ADK: variants seen among roughly 807,000 people sequenced by gnomAD.
The protein encoded by ADK is adenosine kinase.
A neutral mutation model predicts 44.7 loss-of-function variants in ADK; 24 were observed. The ratio of observed to expected loss-of-function variants is 0.54; its 90% CI spans 0.39 to 0.76. ADK has a LOEUF of 0.76. ADK is among the 30% of genes least tolerant of loss of function. The pLI is 0.00. For synonymous variants in ADK, 128 were observed against 142.6 expected, an observed-to-expected ratio of 0.90 and a Z score of 0.73; for missense variants, 321 against 425.1, an observed-to-expected ratio of 0.76 and a Z score of 2.15.
chr10:74,184,405 C>G (rs1842672537), intron 1 of ADK, among the ~76,000 whole-genome samples: 1 of 152,080 alleles, frequency 6.6e-6, no homozygotes, highest in South Asian at 2.1e-4. Flanking sequence ...TCATGGCTCA[C>G]TGTAACCTTG....
intron 1 of ADK, among the ~76,000 whole-genome samples, chr10:74,193,197 C>T (rs760724668): frequency 5.3e-5 from 8 of 151,868 alleles, no homozygotes; most frequent in African/African-American, 9.7e-5. Flanking sequence ...TGTATAGTGT[C>T]TATATAGTGT....
intron 3 of ADK, among the ~76,000 whole-genome samples, chr10:74,288,675 T>C (rs1013908871): frequency 3.9e-5 from 6 of 152,124 alleles, no homozygotes; most frequent in Non-Finnish European, 7.4e-5. Flanking sequence ...ACATAAACTT[T>C]TAAAACTTCA....
chr10:74,506,880 T>C (rs1408904133), intron 6 of ADK, among the ~76,000 whole-genome samples: 2 of 152,240 alleles, frequency 1.3e-5, no homozygotes, highest in African/African-American at 4.8e-5. Flanking sequence ...ATTTCTAGGC[T>C]ACACAGTTTG....
Position 74,489,210 on chromosome 10 carries a change from G to A in ADK, c.556-36046G>A, listed in dbSNP as rs114288627. Among the ~76,000 whole-genome samples the A allele has an allele frequency of 5.3e-3, 801 of 152,036 alleles. 5 individuals are homozygous for A. The highest frequency in any genetic ancestry group is 0.018 in the African/African-American group (757 of 41,538). On this transcript the variant is annotated intron_variant, in intron 6 of 10. Transcript: ENST00000539909. ...TTCATATGGAACACTCTGCTTATAT[G>A]CTTCATCTTCTTTTCAATCAGATAA...
chr10:74,267,417 A>G (rs1300798186), intron 3 of ADK, among the ~76,000 whole-genome samples: 1 of 152,176 alleles, frequency 6.6e-6, no homozygotes, highest in Non-Finnish European at 1.5e-5. Context: ...TCCCTCAAAG[A>G]TACTGAGGAA....
chr10:74,285,725 A>G (rs1004761930), intron 3 of ADK, among the ~76,000 whole-genome samples: 10 of 152,138 alleles, frequency 6.6e-5, no homozygotes, highest in African/African-American at 2.4e-4. Flanking sequence ...CTGCTGGAAT[A>G]GTCCAAATAA....
chr10:74,409,380 T>C (rs1844081518), intron 6 of ADK, among the ~76,000 whole-genome samples: 1 of 152,204 alleles, frequency 6.6e-6, no homozygotes, highest in Non-Finnish European at 1.5e-5. Context: ...CCTTGTGACT[T>C]ACCCTGCGTA....
Position 74,533,818 on chromosome 10 carries a change from C to T in ADK, c.726+8392C>T, listed in dbSNP as rs1446990852. On this transcript the variant is annotated intron_variant, in intron 7 of 10. Transcript: ENST00000539909. ...ATGAAAGCATCTGTCCATGTAAAGA[C>T]ATACACAGGTGTTTATAGCAGCTTT... Among the ~76,000 whole-genome samples the T allele has an allele frequency of 2.0e-5, 3 of 152,162 alleles. No individual in the cohort carries two copies. The East Asian group carries it at 5.8e-4, about 29-fold the overall frequency.
chr10:74,670,275 G>C lies in ADK; in HGVS notation c.964+6G>C. 6.2e-7 allele frequency: 1 copy of C among 1,606,480 alleles called. No individual in the cohort carries two copies. The highest frequency in any genetic ancestry group is 8.5e-7 in the Non-Finnish European group (1 of 1,173,248). On this transcript the variant is annotated splice_donor_region_variant and intron_variant, in intron 10 of 10. Transcript: ENST00000539909. Reference sequence around the variant, plus strand: ...TGGAGATGCATTTGTTGGAGGTACAGACTAATTTATTTCATTCTTACTTAC... The same window carrying C: ...TGGAGATGCATTTGTTGGAGGTACACACTAATTTATTTCATTCTTACTTAC...
intron 4 of ADK, among the ~76,000 whole-genome samples, chr10:74,355,118 C>T (rs962533850): frequency 4.6e-5 from 7 of 152,248 alleles, no homozygotes; most frequent in African/African-American, 1.7e-4. Flanking sequence ...TGAGACACTG[C>T]ACCTGCTCTT....
chr10:74,337,078 G>A (rs1289016810), intron 4 of ADK, among the ~76,000 whole-genome samples: 1 of 152,148 alleles, frequency 6.6e-6, no homozygotes, highest in Non-Finnish European at 1.5e-5. Context: ...TTGTTGTGGT[G>A]GGTGGTTTAA....
At chr10:74,597,112 G>C (rs1169570224) in intron 8 of ADK, among the ~76,000 whole-genome samples, 1 of 152,142 alleles carries the variant, frequency 6.6e-6, no homozygotes, top group Non-Finnish European at 1.5e-5. Context: ...GGCAACCTAA[G>C]TATGTAACCA....
chr10:74,223,170 T>A lies in ADK; in HGVS notation c.141-1368T>A, dbSNP rs150050817. 9.2e-5 allele frequency among the ~76,000 whole-genome samples: 14 copies of A among 152,310 alleles called. No individual in the cohort carries two copies. In the East Asian group the frequency reaches 2.5e-3, roughly 27 times the overall value. On this transcript the variant is annotated intron_variant, in intron 2 of 10. Transcript: ENST00000539909. The stretch of plus-strand genomic sequence containing the variant: ...AGGGCTGCACTTGGTGAGAACCTTC[T>A]TGCTGATAGTGACTCTACAGATTCC...
chr10:74,234,934 T>C (rs1187523654), intron 3 of ADK, among the ~76,000 whole-genome samples: 1 of 152,196 alleles, frequency 6.6e-6, no homozygotes, highest in East Asian at 1.9e-4. Context: ...TTTCACTTTG[T>C]ACACACAAAG....
intron 2 of ADK, among the ~76,000 whole-genome samples, chr10:74,204,441 A>C (rs1564591347): frequency 6.6e-6 from 1 of 152,088 alleles, no homozygotes; most frequent in Non-Finnish European, 1.5e-5. Context: ...AATTTTTTTG[A>C]AACTTTTTTT....
At chr10:74,416,699 T>C (rs1844387914) in intron 6 of ADK, among the ~76,000 whole-genome samples, 1 of 151,902 alleles carries the variant, frequency 6.6e-6, no homozygotes. Flanking sequence ...AGCTCTGCTG[T>C]CCTAACTAAT....
At chr10:74,513,992 G>C (rs1317051667) in intron 6 of ADK, among the ~76,000 whole-genome samples, 1 of 152,068 alleles carries the variant, frequency 6.6e-6, no homozygotes, top group Non-Finnish European at 1.5e-5. Flanking sequence ...TTCTTGCAAG[G>C]CCAGACTAGT....
intron 9 of ADK, among the ~76,000 whole-genome samples, chr10:74,622,574 G>A (rs1343893910): frequency 6.6e-6 from 1 of 152,080 alleles, no homozygotes; most frequent in African/African-American, 2.4e-5. Context: ...AGAAAGTTAA[G>A]TGGGCTTATC....
intron 6 of ADK, chr10:74,506,356 T>G: frequency 3.9e-6 from 1 of 257,622 alleles, no homozygotes; most frequent in South Asian, 4.1e-5. Context: ...TCAGCTTTTT[T>G]TTGTAATGAT....
Sources: allele counts gnomAD v4.1 joint callset (sites outside exome capture counted in the v4.1 genomes callset), GRCh38; gene constraint gnomAD v4.1.1; transcripts MANE v1.5; gene names NCBI Gene and HGNC (gene_info 2026-07-23, HGNC 2026-07-21).